Variants in NOX1 observed in about 807,000 individuals in gnomAD.
The protein encoded by NOX1 is NADPH oxidase 1.
A neutral mutation model predicts 42.5 loss-of-function variants in NOX1; 34 were observed. The ratio of observed to expected loss-of-function variants is 0.80; its 90% CI spans 0.61 to 1.07. The LOEUF is 1.07. NOX1 is among the 50% of genes least tolerant of loss of function. The pLI is 0.00. For missense variants in NOX1, 408 were observed against 427.0 expected, an observed-to-expected ratio of 0.96 and a Z score of 0.39; for synonymous variants, 143 against 152.5, an observed-to-expected ratio of 0.94 and a Z score of 0.46.
chrX:100,851,184 G>T, intron 8 of NOX1, 49 bp downstream of exon 8: 1 of 798,888 alleles, frequency 1.3e-6, no homozygotes, highest in Non-Finnish European at 1.8e-6. Flanking sequence ...TCTGTAGTCC[G>T]GTAGAAGATA....
rs757872071 is a variant in NOX1, at chrX:100,853,332, C to CTCTTTCTTTCTTTCTTTCTTTCTT, written c.805-2031_805-2008dup. Among the ~76,000 whole-genome samples, 11 of 19,345 alleles carry CTCTTTCTTTCTTTCTTTCTTTCTT rather than the reference C, an allele frequency of 5.7e-4. 2 individuals are homozygous for CTCTTTCTTTCTTTCTTTCTTTCTT. Among genetic ancestry groups the CTCTTTCTTTCTTTCTTTCTTTCTT allele is most frequent in the African/African-American group, 5.4e-3 (11 of 2,028 alleles). The allele number at this position is 19,345 out of a possible 115,157, so 16.8% of individuals were successfully genotyped here. A position where few individuals can be genotyped will look rare whatever the true frequency, so the allele number is the denominator to read the frequency against. On this transcript the variant is annotated intron_variant, in intron 7 of 12. Coordinates refer to ENST00000372966, the MANE Select transcript of NOX1 (RefSeq NM_007052.5). ...TTTCTTTCTTTCTTTCTCTCTCTTT[C>CTCTTTCTTTCTTTCTTTCTTTCTT]TCTTTCTTTCTTTCTTTCTTTCTTT...
At position 100,863,718 on chromosome X, in the gene NOX1, C is replaced by T. The variant is rs2085221770; in HGVS notation, c.142-123G>A. ...ACAGGGCTACAGCTGCCTCTCCTCTCTCTCAGTAGCTAACACCATCAGGCC... is the reference window on the plus strand; with the variant it reads ...ACAGGGCTACAGCTGCCTCTCCTCTTTCTCAGTAGCTAACACCATCAGGCC... On this transcript the variant is annotated intron_variant, in intron 2 of 12. Transcript: ENST00000372966. 6.8e-6 allele frequency: 7 copies of T among 1,027,470 alleles called. No homozygotes were observed. In the East Asian group the frequency reaches 1.4e-4, roughly 20 times the overall value. 84.7% of individuals were successfully genotyped at this position (1,027,470 alleles called of 1,213,427 possible).
chrX:100,855,444 T>C (rs2085159937), intron 7 of NOX1: 5 of 726,895 alleles, frequency 6.9e-6, no homozygotes, highest in South Asian at 4.2e-5. Flanking sequence ...ATTTGAATAC[T>C]GATTGTTGTA....
intron 12 of NOX1, among the ~76,000 whole-genome samples, chrX:100,847,784 AAG>A (rs2085084109): frequency 9.2e-6 from 1 of 108,643 alleles, no homozygotes; most frequent in Non-Finnish European, 1.9e-5. Flanking sequence ...AAAAAAAAAA[AAG>A]GTAATCAAGA....
At chrX:100,852,177 G>C (rs961875788) in intron 7 of NOX1, among the ~76,000 whole-genome samples, 2 of 111,590 alleles carry the variant, frequency 1.8e-5, no homozygotes, top group Non-Finnish European at 3.8e-5. Context: ...TTTTTTAAAG[G>C]CAGCTTTTTG....
At chrX:100,873,725 T>A (rs1023106660) in intron 1 of NOX1, among the ~76,000 whole-genome samples, 1 of 111,925 alleles carries the variant, frequency 8.9e-6, no homozygotes, top group Non-Finnish European at 1.9e-5. Flanking sequence ...GGCCAGATGA[T>A]CTCTAAGATC....
chrX:100,855,542 G>A, intron 7 of NOX1: 1 of 761,379 alleles, frequency 1.3e-6, no homozygotes, highest in East Asian at 3.2e-5. Flanking sequence ...TGTTACAGCT[G>A]TCATAGCTGC....
Position 100,862,409 on chromosome X carries a change from T to C in NOX1, c.654A>G (p.Leu218=). ...GATCTTACCCAATGCCGTGAATCCC[T>C]AAGCCAAGGATATAGAAGATAAAAA... The part of the protein sequence containing the change: ...HHLFIFYILG[L]GIHGIGGIVR... Residue 218 remains leucine (L), a synonymous_variant, in exon 6 of 13, where the codon TTA becomes TTG. Transcript: ENST00000372966. 8.3e-7 allele frequency: 1 copy of C among 1,211,223 alleles called. No individual in the cohort carries two copies. Among genetic ancestry groups the C allele is most frequent in the East Asian group, 3.0e-5 (1 of 33,846 alleles).
intron 7 of NOX1, chrX:100,855,537 C>G (rs778956672): frequency 4.0e-6 from 3 of 753,370 alleles, no homozygotes; most frequent in Non-Finnish European, 6.2e-6. Context: ...TCCCTTGTTA[C>G]AGCTGTCATA....
Position 100,852,139 on chromosome X carries a change from G to T in NOX1, c.805-814C>A, listed in dbSNP as rs956305470. Among the ~76,000 whole-genome samples, 3 of 112,125 alleles carry T rather than the reference G, an allele frequency of 2.7e-5. No homozygotes were observed. The South Asian group carries it at 1.1e-3, about 42-fold the overall frequency. ...CTCAAGTGCTTAAACATTTAACATA[G>T]TAATATCTTTTTTACCTTGTCTACA... On this transcript the variant is annotated intron_variant, in intron 7 of 12. Transcript: ENST00000372966.
intron 7 of NOX1, among the ~76,000 whole-genome samples, chrX:100,853,239 T>G (rs1390088164): frequency 4.0e-5 from 2 of 50,100 alleles, no homozygotes; most frequent in Non-Finnish European, 6.6e-5. Flanking sequence ...TTCTTTTTCT[T>G]TCTTTCCTTC....
chrX:100,856,797 T>A (rs1051069523), intron 7 of NOX1, among the ~76,000 whole-genome samples: 1 of 111,483 alleles, frequency 9.0e-6, no homozygotes, highest in African/African-American at 3.3e-5. Context: ...GGTCTCGAAC[T>A]CTTGAGCTCA....
intron 7 of NOX1, among the ~76,000 whole-genome samples, chrX:100,852,720 CAG>C (rs2147907148): frequency 8.9e-6 from 1 of 111,789 alleles, no homozygotes; most frequent in South Asian, 3.7e-4. Flanking sequence ...ACAAATCAAA[CAG>C]AGTGAACATT....
intron 1 of NOX1, 67 bp from the exon 2 acceptor site, chrX:100,870,881 G>A (rs2085270677): frequency 1.5e-6 from 1 of 675,331 alleles, no homozygotes; most frequent in Non-Finnish European, 2.3e-6. Flanking sequence ...AGTAAATAAG[G>A]GATAGGGATA....
intron 7 of NOX1, among the ~76,000 whole-genome samples, chrX:100,861,029 G>A (rs771466083): frequency 3.6e-5 from 4 of 111,439 alleles, no homozygotes; most frequent in Non-Finnish European, 7.5e-5. Context: ...GTGAGCCACC[G>A]TGCCCGGCCC....
chrX:100,851,780 G>A (rs1269436738), intron 7 of NOX1, among the ~76,000 whole-genome samples: 1 of 110,842 alleles, frequency 9.0e-6, no homozygotes, highest in Non-Finnish European at 1.9e-5. Flanking sequence ...TGCGCGTGGT[G>A]GTGCATGCTT....
At chrX:100,848,327 G>A (rs1450432174) in intron 12 of NOX1, among the ~76,000 whole-genome samples, 1 of 108,641 alleles carries the variant, frequency 9.2e-6, no homozygotes. Context: ...TTTCTCTCTT[G>A]TTGCCCAGGC....
chrX:100,845,658 C>T (rs1164223778), intron 12 of NOX1, among the ~76,000 whole-genome samples: 4 of 97,753 alleles, frequency 4.1e-5, no homozygotes, highest in Admixed American at 3.4e-4. Flanking sequence ...CACTGTCACC[C>T]GGGCTGGAGT....
At chrX:100,855,433 A>T (rs1602386605) in intron 7 of NOX1, 1 of 705,478 alleles carries the variant, frequency 1.4e-6, no homozygotes, top group East Asian at 3.2e-5. Flanking sequence ...ATGGGTCCAA[A>T]ATTTGAATAC....
Sources: allele counts gnomAD v4.1 joint callset (sites outside exome capture counted in the v4.1 genomes callset), GRCh38; gene constraint gnomAD v4.1.1; transcripts MANE v1.5; gene names NCBI Gene and HGNC (gene_info 2026-07-23, HGNC 2026-07-21).